Variants in ATG7 observed in about 807,000 individuals in gnomAD.
The protein encoded by ATG7 is autophagy related 7.
A neutral mutation model predicts 82.4 loss-of-function variants in ATG7; 70 were observed. The observed-to-expected ratio is 0.85, with a 90% CI of 0.70 to 1.04. The LOEUF (loss-of-function observed/expected upper bound fraction) is 1.04. Ranked by LOEUF, ATG7 falls within the 50% of genes least tolerant of loss-of-function variation. The pLI is 0.00. For missense variants in ATG7, 792 were observed against 864.3 expected, an observed-to-expected ratio of 0.92 and a Z score of 1.05; for synonymous variants, 287 against 313.0, an observed-to-expected ratio of 0.92 and a Z score of 0.88.
intron 14 of ATG7, among the ~76,000 whole-genome samples, chr3:11,357,526 T>C (rs2076008199): frequency 6.6e-6 from 1 of 152,216 alleles, no homozygotes; most frequent in Non-Finnish European, 1.5e-5. Flanking sequence ...TAGAGTTTTT[T>C]GTATTTGAGG....
At chr3:11,363,237 C>A in intron 17 of ATG7, 1 of 185,810 alleles carries the variant, frequency 5.4e-6, no homozygotes, top group African/African-American at 2.4e-5. Context: ...TTGCCTCCTT[C>A]AATCTTTTTT....
chr3:11,562,429 G>A (rs2073105081), downstream of ATG7, among the ~76,000 whole-genome samples: 1 of 152,130 alleles, frequency 6.6e-6, no homozygotes, highest in Non-Finnish European at 1.5e-5. Flanking sequence ...ACCCCACAGG[G>A]CTGCAGCATG....
the ATG7 span, among the ~76,000 whole-genome samples, chr3:11,566,243 G>A: frequency 2.6e-5 from 4 of 151,836 alleles, no homozygotes; most frequent in South Asian, 2.1e-4. Flanking sequence ...ACACACACAC[G>A]CATGTGATAG....
chr3:11,350,909 T>C (rs1575622608), intron 14 of ATG7, among the ~76,000 whole-genome samples: 1 of 132,848 alleles, frequency 7.5e-6, no homozygotes, highest in East Asian at 2.1e-4. Flanking sequence ...GGCAACCTAG[T>C]TGAGACCCTA....
intron 20 of ATG7, among the ~76,000 whole-genome samples, chr3:11,532,736 C>T (rs1407415290): frequency 6.6e-6 from 1 of 152,142 alleles, no homozygotes; most frequent in Non-Finnish European, 1.5e-5. Context: ...AACGAAACAA[C>T]ACCAGCTTCT....
chr3:11,367,655 G>T (rs2076716254), intron 18 of ATG7, among the ~76,000 whole-genome samples: 1 of 152,122 alleles, frequency 6.6e-6, no homozygotes. Flanking sequence ...CCAAAAAAAG[G>T]CCTGATTAGG....
At chr3:11,407,730 T>C (rs2080483237) in intron 19 of ATG7, among the ~76,000 whole-genome samples, 1 of 152,252 alleles carries the variant, frequency 6.6e-6, no homozygotes, top group African/African-American at 2.4e-5. Flanking sequence ...GCTTGCATTC[T>C]CTGAAGCCAT....
At chr3:11,477,016 G>A (rs892578840) in intron 20 of ATG7, 1 of 1,052,616 alleles carries the variant, frequency 9.5e-7, no homozygotes, top group East Asian at 6.1e-5. Context: ...TTTTCCGATG[G>A]CAGTCATTAA....
At chr3:11,559,987 C>G (rs1239501781), downstream of ATG7, among the ~76,000 whole-genome samples, 1 of 152,156 alleles carries the variant, frequency 6.6e-6, no homozygotes, top group South Asian at 2.1e-4. Context: ...GGAAATATGC[C>G]TAAGTGTGGA....
At chr3:11,405,269 C>G (rs2080218638) in intron 19 of ATG7, among the ~76,000 whole-genome samples, 1 of 152,110 alleles carries the variant, frequency 6.6e-6, no homozygotes, top group South Asian at 2.1e-4. Context: ...TGACTCTAAA[C>G]TCCACCCCCA....
intron 3 of ATG7, among the ~76,000 whole-genome samples, chr3:11,287,417 C>T (rs2152662804): frequency 6.6e-6 from 1 of 152,216 alleles, no homozygotes; most frequent in South Asian, 2.1e-4. Context: ...GACAGAGGGG[C>T]TGTGAGTTCT....
intron 19 of ATG7, among the ~76,000 whole-genome samples, chr3:11,383,382 A>C (rs993970870): frequency 1.3e-5 from 2 of 152,208 alleles, no homozygotes; most frequent in Admixed American, 6.5e-5. Flanking sequence ...TTTTTGGTGG[A>C]AATACCAAAG....
intron 1 of ATG7, among the ~76,000 whole-genome samples, chr3:11,278,700 A>C (rs1367611101): frequency 6.6e-6 from 1 of 152,220 alleles, no homozygotes; most frequent in Non-Finnish European, 1.5e-5. Context: ...GGCACCTATG[A>C]GGTGCTAAGT....
chr3:11,333,630 A>ATG (rs755869656), intron 11 of ATG7, among the ~76,000 whole-genome samples: 311 of 150,806 alleles, frequency 2.1e-3, no homozygotes, highest in African/African-American at 2.6e-3. Context: ...AGAGAGATAT[A>ATG]TGTGTGTGTG....
chr3:11,321,500 G>A (rs1950220015), intron 9 of ATG7, among the ~76,000 whole-genome samples: 1 of 152,190 alleles, frequency 6.6e-6, no homozygotes, highest in South Asian at 2.1e-4. Flanking sequence ...AGTGTTGTCT[G>A]CATTTTACAG....
chr3:11,496,539 C>A (rs925033690), intron 20 of ATG7, among the ~76,000 whole-genome samples: 1 of 152,214 alleles, frequency 6.6e-6, no homozygotes, highest in African/African-American at 2.4e-5. Context: ...TGTGTCCTCG[C>A]TGGACCAGTG....
In ATG7 at chr3:11,489,994, C is replaced by T. The variant is rs531670228; in HGVS notation, c.2079+63068C>T. On this transcript the variant is annotated intron_variant, in intron 20 of 20. Transcript: ENST00000693202. ...GAGTTCTGTAGATGTCTATTAGGTCCGCTTGGTGCAGAGCTGAGTTCAATT... is the reference window on the plus strand; with the variant it reads ...GAGTTCTGTAGATGTCTATTAGGTCTGCTTGGTGCAGAGCTGAGTTCAATT... Among the ~76,000 whole-genome samples, 121 of 151,878 alleles carry T rather than the reference C, an allele frequency of 8.0e-4. 2 individuals are homozygous for T. The Middle Eastern group carries it at 0.02, about 26-fold the overall frequency.
chr3:11,521,932 G>A (rs2092454222), intron 20 of ATG7, among the ~76,000 whole-genome samples: 1 of 152,148 alleles, frequency 6.6e-6, no homozygotes. Context: ...CAATAACAAA[G>A]TAGATAAAGC....
intron 12 of ATG7, among the ~76,000 whole-genome samples, chr3:11,340,942 T>C (rs543258940): frequency 3.3e-5 from 5 of 152,214 alleles, no homozygotes; most frequent in Non-Finnish European, 7.3e-5. Context: ...TCATCTGTTC[T>C]AGACATTCTA....
Sources: allele counts gnomAD v4.1 joint callset (sites outside exome capture counted in the v4.1 genomes callset), GRCh38; gene constraint gnomAD v4.1.1; transcripts MANE v1.5; gene names NCBI Gene and HGNC (gene_info 2026-07-23, HGNC 2026-07-21).